DIAPH2: variants seen among roughly 807,000 people sequenced by gnomAD.
DIAPH2 encodes the protein diaphanous related formin 2.
Under a neutral mutation model 92.7 loss-of-function variants are expected in DIAPH2, and 35 were observed. That is an observed-to-expected ratio of 0.38 (90% CI 0.29 to 0.50). The LOEUF is 0.50. Ranked by LOEUF, DIAPH2 falls within the 20% of genes least tolerant of loss-of-function variation. DIAPH2 has a pLI of 0.94. For missense variants in DIAPH2, 701 were observed against 819.5 expected (o/e 0.86, Z 1.77); for synonymous variants, 301 against 280.4 (o/e 1.07, Z -0.73).
intron 22 of DIAPH2, among the ~76,000 whole-genome samples, chrX:97,245,880 G>A (rs181679175): frequency 9.1e-6 from 1 of 109,430 alleles, no homozygotes; most frequent in East Asian, 2.9e-4. Flanking sequence ...TAACATAAGT[G>A]ACTGGTCAAT....
At chrX:97,227,986 C>T (rs2067978714) in intron 22 of DIAPH2, among the ~76,000 whole-genome samples, 1 of 111,203 alleles carries the variant, frequency 9.0e-6, no homozygotes. Flanking sequence ...CTGCAGCCTC[C>T]ACCTCCCAGG....
chrX:97,464,297 T>TTAAAA (rs2070489123), intron 26 of DIAPH2, among the ~76,000 whole-genome samples: 1 of 32,943 alleles, frequency 3.0e-5, no homozygotes, highest in Non-Finnish European at 4.7e-5. Flanking sequence ...CCATCTCTAC[T>TTAAAA]AAAAAAAAAA....
intron 25 of DIAPH2, among the ~76,000 whole-genome samples, chrX:97,394,243 G>A (rs1345512206): frequency 9.0e-6 from 1 of 111,440 alleles, no homozygotes; most frequent in Non-Finnish European, 1.9e-5. Flanking sequence ...AATTAATGAG[G>A]CAATATCGGT....
intron 4 of DIAPH2, among the ~76,000 whole-genome samples, chrX:96,817,537 A>G (rs764705093): frequency 4.5e-5 from 5 of 111,685 alleles, no homozygotes; most frequent in East Asian, 2.8e-4. Flanking sequence ...TCGGGCTGCT[A>G]TAACAAAGTT....
At chrX:97,500,637 TTCTA>T (rs1422765357) in intron 26 of DIAPH2, among the ~76,000 whole-genome samples, 2 of 107,668 alleles carry the variant, frequency 1.9e-5, no homozygotes, top group Admixed American at 2.0e-4. Context: ...CGTAGAACAT[TTCTA>T]TCTATTATTT....
At chrX:96,689,363 GA>G (rs11389197) in intron 1 of DIAPH2, among the ~76,000 whole-genome samples, 1 of 104,037 alleles carries the variant, frequency 9.6e-6, no homozygotes, top group African/African-American at 3.6e-5. Flanking sequence ...TTGGGTTTCA[GA>G]AAAAAAAGTA....
chrX:97,016,174 A>G (rs2147867695), intron 17 of DIAPH2, among the ~76,000 whole-genome samples: 1 of 112,137 alleles, frequency 8.9e-6, no homozygotes, highest in African/African-American at 3.2e-5. Context: ...CAGTTCACCA[A>G]GTGTGAGATC....
intron 23 of DIAPH2, among the ~76,000 whole-genome samples, chrX:97,296,263 A>G (rs970753023): frequency 9.0e-6 from 1 of 111,111 alleles, no homozygotes; most frequent in Non-Finnish European, 1.9e-5. Flanking sequence ...GTGGCTCCAA[A>G]CTAATTAGGC....
intron 23 of DIAPH2, among the ~76,000 whole-genome samples, chrX:97,261,189 G>A (rs1163287434): frequency 8.9e-6 from 1 of 112,495 alleles, no homozygotes; most frequent in Non-Finnish European, 1.9e-5. Flanking sequence ...AGTTACAAGT[G>A]CACACGTGTG....
chrX:97,265,105 C>T (rs1276503137), intron 23 of DIAPH2, among the ~76,000 whole-genome samples: 1 of 111,795 alleles, frequency 8.9e-6, no homozygotes, highest in African/African-American at 3.2e-5. Context: ...CTCATCAAGT[C>T]AAATAAGCAC....
chrX:97,559,191 A>G (rs1602668255), intron 26 of DIAPH2, among the ~76,000 whole-genome samples: 1 of 112,152 alleles, frequency 8.9e-6, no homozygotes, highest in African/African-American at 3.2e-5. Context: ...GCATTGGTCT[A>G]GAAATATAAA....
chrX:96,973,842 T>C (rs906293837), intron 17 of DIAPH2, among the ~76,000 whole-genome samples: 2 of 110,208 alleles, frequency 1.8e-5, no homozygotes, highest in Non-Finnish European at 3.8e-5. Flanking sequence ...ATTACAGGCA[T>C]GTGCCATCAC....
chrX:96,977,500 C>T (rs1218020856), intron 17 of DIAPH2, among the ~76,000 whole-genome samples: 1 of 111,081 alleles, frequency 9.0e-6, no homozygotes, highest in African/African-American at 3.3e-5. Context: ...ACATTACAGA[C>T]ACCTTGTGTT....
At chrX:96,837,267 C>A (rs984378545) in intron 4 of DIAPH2, among the ~76,000 whole-genome samples, 2 of 110,509 alleles carry the variant, frequency 1.8e-5, no homozygotes, top group African/African-American at 3.3e-5. Flanking sequence ...ATGACCAGTT[C>A]CCAAAGGAAC....
At chrX:97,556,530 C>A (rs906740239) in intron 26 of DIAPH2, among the ~76,000 whole-genome samples, 5 of 112,084 alleles carry the variant, frequency 4.5e-5, no homozygotes, top group Non-Finnish European at 7.5e-5. Flanking sequence ...TCTCTCCTCT[C>A]TCCTATCTTC....
At chrX:97,408,699 C>T (rs1013013204) in intron 25 of DIAPH2, among the ~76,000 whole-genome samples, 1 of 111,808 alleles carries the variant, frequency 8.9e-6, no homozygotes, top group Non-Finnish European at 1.9e-5. Flanking sequence ...ATGTGGTAGT[C>T]TTTCTAAAAG....
chrX:97,517,197 C>T (rs919674501), intron 26 of DIAPH2, among the ~76,000 whole-genome samples: 25 of 111,663 alleles, frequency 2.2e-4, no homozygotes, highest in Admixed American at 6.7e-4. Context: ...TTCACAGTAA[C>T]ATGGAAGAAA....
At chrX:96,878,756 C>T (rs903225341) in intron 4 of DIAPH2, among the ~76,000 whole-genome samples, 1 of 111,293 alleles carries the variant, frequency 9.0e-6, no homozygotes, top group African/African-American at 3.3e-5. Context: ...AAAAGGGAAC[C>T]AACATTTTCT....
chrX:97,448,757 A>C lies in DIAPH2; in HGVS notation c.3241+19012A>C, dbSNP rs1223502954. ...GGAAGTGAATCTTACTAATGCCAGC[A>C]CTAGTTATAATTCATGATTAGCACT... On this transcript the variant is annotated intron_variant, in intron 26 of 26. Transcript: ENST00000324765. Among the ~76,000 whole-genome samples the C allele has an allele frequency of 4.5e-5, 5 of 112,316 alleles. No homozygotes were observed. In the East Asian group the frequency reaches 1.4e-3, roughly 31 times the overall value.
Sources: gnomAD v4.1 joint callset for allele counts (sites outside exome capture counted in the v4.1 genomes callset) on GRCh38, gnomAD v4.1.1 for gene constraint, MANE v1.5 for transcripts, NCBI Gene and HGNC (gene_info 2026-07-23, HGNC 2026-07-21) for gene names.